Variants in VWF observed in about 807,000 individuals in gnomAD.
The protein encoded by VWF is Factor VIII related antigen.
A neutral mutation model predicts 308.6 loss-of-function variants in VWF; 176 were observed. That is an observed-to-expected ratio of 0.57 (90% confidence interval 0.50 to 0.65). VWF has a LOEUF of 0.65. Ranked by LOEUF, VWF falls within the 30% of genes least tolerant of loss-of-function variation. The probability of loss-of-function intolerance (pLI) is 0.00; values close to 1 mark genes in which losing one functional copy is unlikely to be tolerated. For missense variants in VWF, 3,146 were observed against 3,648.2 expected (o/e 0.86, Z 3.55); for synonymous variants, 1,385 against 1,443.4 (o/e 0.96, Z 0.92).
At chr12:6,103,545 TACACACACACAC>T (rs139889348) in intron 5 of VWF, among the ~76,000 whole-genome samples, 3,480 of 124,120 alleles carry the variant, frequency 0.028, 306 homozygotes, top group African/African-American at 0.11. Flanking sequence ...CATATATGTA[TACACACACACAC>T]ACACACACAC....
chr12:6,061,933 TG>T (rs1944659074), intron 13 of VWF, among the ~76,000 whole-genome samples: 1 of 152,238 alleles, frequency 6.6e-6, no homozygotes, highest in South Asian at 2.1e-4. Flanking sequence ...TAAAGAAATT[TG>T]CAGAAATGTG....
chr12:6,034,910 A>G (rs958196391), intron 19 of VWF, 84 bp from the exon 20 acceptor site: 4 of 1,552,224 alleles, frequency 2.6e-6, no homozygotes, highest in Middle Eastern at 1.7e-4. Flanking sequence ...ATGAAGGAAC[A>G]CAGAATACTC....
In VWF at chr12:6,046,629, T is replaced by A. The variant is rs1159741527; in HGVS notation, c.2281+94A>T. Reference sequence around the variant, plus strand: ...ACCCATGCCTGGGTGCACACGCACATCTGACGGTGTCACCCAGCTCTCTCC... The same window carrying A: ...ACCCATGCCTGGGTGCACACGCACAACTGACGGTGTCACCCAGCTCTCTCC... On this transcript the variant is annotated intron_variant, in intron 17 of 51. Transcript: ENST00000261405. This position sits in a 1 kb window ranked among gnomAD's most constrained non-coding sequence, Gnocchi z 5.0. 3 of 1,253,890 alleles carry A rather than the reference T, an allele frequency of 2.4e-6. No homozygotes were observed. Among genetic ancestry groups the A allele is most frequent in the Non-Finnish European group, 2.3e-6 (2 of 855,558 alleles). The allele number at this position is 1,253,890 out of a possible 1,614,324, so 77.7% of individuals were successfully genotyped here.
chr12:5,967,430 C>T, intron 47 of VWF, 56 bp downstream of exon 47: 2 of 1,448,852 alleles, frequency 1.4e-6, no homozygotes, highest in Non-Finnish European at 9.7e-7. Context: ...GGTCCCACTG[C>T]CTGGGTCCCA....
Position 6,090,611 on chromosome 12 carries a change from C to T in VWF, c.657+4849G>A, listed in dbSNP as rs1945022565. ...GAGCCAGCTAACAACAACTCCTCCT[C>T]CTCCTCCTCCTCCTCCTTCTCGTCC... is the stretch of plus-strand genomic sequence containing the variant. On this transcript the variant is annotated intron_variant, in intron 6 of 51. Coordinates refer to ENST00000261405, the MANE Select transcript of VWF (RefSeq NM_000552.5). 3.1e-5 allele frequency among the ~76,000 whole-genome samples: 3 copies of T among 98,022 alleles called. No homozygotes were observed. In the South Asian group the frequency reaches 1.4e-3, roughly 44 times the overall value. The allele number at this position is 98,022 out of a possible 152,430, so 64.3% of individuals were successfully genotyped here. A position where few individuals can be genotyped will look rare whatever the true frequency, so the allele number is the denominator to read the frequency against.
intron 47 of VWF, chr12:5,953,798 C>T (rs1189002919): frequency 3.3e-6 from 2 of 605,640 alleles, no homozygotes; most frequent in East Asian, 2.9e-5. Context: ...GCACATCTCA[C>T]TCAAGTTGTA....
At chr12:6,121,573 C>T (rs917511305) in intron 2 of VWF, among the ~76,000 whole-genome samples, 7 of 152,148 alleles carry the variant, frequency 4.6e-5, no homozygotes, top group African/African-American at 1.7e-4. Context: ...GTTTCAATGA[C>T]ATTTACTTAC....
chr12:6,058,078 G>A lies in VWF; in HGVS notation c.1534-34C>T, dbSNP rs756352424. ...GAGACCAGGCCACTCTGGAGCCGCT[G>A]CCGCGAAAGCAGCGGCATAGTTGTT... is the stretch of plus-strand genomic sequence containing the variant. On this transcript the variant is annotated intron_variant, in intron 13 of 51. Transcript: ENST00000261405. This position sits in a 1 kb window ranked among gnomAD's most constrained non-coding sequence, Gnocchi z 4.9. 4 of 1,611,884 alleles carry A rather than the reference G, an allele frequency of 2.5e-6. No individual in the cohort carries two copies. In the Admixed American group the frequency reaches 6.7e-5, roughly 27 times the overall value.
At chr12:6,015,309 A>G (rs1403478926) in intron 31 of VWF, among the ~76,000 whole-genome samples, 4 of 152,250 alleles carry the variant, frequency 2.6e-5, no homozygotes. Context: ...ACAATACAAT[A>G]CGATTTGCAC....
At chr12:6,014,987 T>C (rs1944040431) in intron 31 of VWF, among the ~76,000 whole-genome samples, 1 of 152,242 alleles carries the variant, frequency 6.6e-6, no homozygotes, top group Non-Finnish European at 1.5e-5. Context: ...CATCCTGAAA[T>C]TCCTCAATTC....
chr12:6,081,706 C>G (rs1220376656), intron 6 of VWF, among the ~76,000 whole-genome samples: 1 of 152,044 alleles, frequency 6.6e-6, no homozygotes, highest in Non-Finnish European at 1.5e-5. Flanking sequence ...CAGCAGTGCA[C>G]GAGGTCAAAA....
rs1217098692 is a variant in VWF, at chr12:6,114,151, G to A, written c.221-3183C>T. 2.0e-5 allele frequency among the ~76,000 whole-genome samples: 3 copies of A among 152,216 alleles called. No individual in the cohort carries two copies. In the East Asian group the frequency reaches 5.8e-4, roughly 29 times the overall value. On this transcript the variant is annotated intron_variant, in intron 3 of 51. Transcript: ENST00000261405. The stretch of plus-strand genomic sequence containing the variant: ...GGAAATGGGAAAGGAACCCCCGTGA[G>A]CCCCTCCTTGGTGTTTCTCCTTCTC...
rs1335081039 is a variant in VWF at position 6,091,802 on chromosome 12, A to G, written c.657+3658T>C. On this transcript the variant is annotated intron_variant, in intron 6 of 51. Transcript: ENST00000261405. ...AGGGCCCACTGGTAGAAATAACTTG[A>G]GTAGCCTGAACCAATGTGACCCGAA... Among the ~76,000 whole-genome samples, 4 of 152,214 alleles carry G rather than the reference A, an allele frequency of 2.6e-5. No individual in the cohort carries two copies. The East Asian group carries it at 7.7e-4, about 29-fold the overall frequency.
rs571792070 is a variant in VWF at position 6,046,865 on chromosome 12, T to A, written c.2187-48A>T. ...CGAGCTTCACGAGACTCGTCTATACTCGCTGCCTCCACATCTTCACCTCCC... is the reference window on the plus strand; with the variant it reads ...CGAGCTTCACGAGACTCGTCTATACACGCTGCCTCCACATCTTCACCTCCC... On this transcript the variant is annotated intron_variant, in intron 16 of 51. Transcript: ENST00000261405. The surrounding 1 kb of genome is among the most constrained non-coding windows in gnomAD (Gnocchi z 5.0). The A allele has an allele frequency of 2.6e-6, 4 of 1,560,984 alleles. No individual in the cohort carries two copies. In the African/African-American group the frequency reaches 5.4e-5, roughly 21 times the overall value.
chr12:6,118,881 C>T (rs902478128), intron 3 of VWF, among the ~76,000 whole-genome samples: 2 of 151,954 alleles, frequency 1.3e-5, no homozygotes, highest in Non-Finnish European at 2.9e-5. Context: ...GGGTTCTCTC[C>T]AGCTGCTCTT....
At chr12:5,992,484 T>C (rs1591847495) in intron 37 of VWF, among the ~76,000 whole-genome samples, 1 of 152,184 alleles carries the variant, frequency 6.6e-6, no homozygotes, top group East Asian at 1.9e-4. Flanking sequence ...AGGCCCAGAA[T>C]CAGCTGGAGC....
chr12:5,978,223 G>GTT (rs372875249), intron 42 of VWF, among the ~76,000 whole-genome samples: 2 of 145,876 alleles, frequency 1.4e-5, no homozygotes, highest in African/African-American at 2.5e-5. Context: ...CCCCAATGAG[G>GTT]TTTTTTTTTT....
At chr12:5,999,558 A>T (rs1190096345) in intron 34 of VWF, among the ~76,000 whole-genome samples, 1 of 152,084 alleles carries the variant, frequency 6.6e-6, no homozygotes, top group Admixed American at 6.6e-5. Context: ...TGAACCAGAA[A>T]TCTTGTAAAA....
In VWF at chr12:6,075,137, G is replaced by C. The variant is rs1944827563; in HGVS notation, c.874+198C>G. Among the ~76,000 whole-genome samples, 1 of 152,178 alleles carries C rather than the reference G, an allele frequency of 6.6e-6. No homozygotes were observed. Among genetic ancestry groups the C allele is most frequent in the Admixed American group, 6.5e-5 (1 of 15,300 alleles). ...GGACGGAGGCAGGGGCAGGACACGGGGCTTTGGGAAGCCCGTTTGACAGAG... is the reference window on the plus strand; with the variant it reads ...GGACGGAGGCAGGGGCAGGACACGGCGCTTTGGGAAGCCCGTTTGACAGAG... On this transcript the variant is annotated intron_variant, in intron 7 of 51. Transcript: ENST00000261405. This position sits in a 1 kb window ranked among gnomAD's most constrained non-coding sequence, Gnocchi z 4.7.
Sources: allele counts gnomAD v4.1 joint callset (sites outside exome capture counted in the v4.1 genomes callset), GRCh38; gene constraint gnomAD v4.1.1; non-coding constraint Gnocchi (gnomAD v3.1); transcripts MANE v1.5; gene names NCBI Gene and HGNC (gene_info 2026-07-23, HGNC 2026-07-21).